Variants in IQCH observed in about 807,000 individuals in gnomAD.
The protein encoded by IQCH is IQ motif containing H.
Under a neutral mutation model 117.0 loss-of-function variants are expected in IQCH, and 98 were observed. The observed-to-expected ratio is 0.84, with a 90% CI of 0.71 to 0.99. The LOEUF (loss-of-function observed/expected upper bound fraction) is 0.99. Among genes scored for constraint, IQCH ranks in the 50% least tolerant of loss-of-function variants. The probability of loss-of-function intolerance (pLI) is 0.00; values close to 1 mark genes in which losing one functional copy is unlikely to be tolerated. For synonymous variants in IQCH, 412 were observed against 448.2 expected (o/e 0.92, Z 1.02); for missense variants, 1,102 against 1,243.8 (o/e 0.89, Z 1.72).
rs1164248231 is a variant in IQCH, at chr15:67,370,978, T to G, written c.754-1133T>G. 3.9e-5 allele frequency among the ~76,000 whole-genome samples: 6 copies of G among 152,170 alleles called. No individual in the cohort carries two copies. Among genetic ancestry groups the G allele is most frequent in the Non-Finnish European group, 8.8e-5 (6 of 68,036 alleles). ...ATAAATTGCTGGGGGGGGTTTTCTT[T>G]GAGTTTTTTGAAAACTCTTCAAAAT... On this transcript the variant is annotated intron_variant, in intron 8 of 20. Coordinates refer to ENST00000335894, the MANE Select transcript of IQCH (RefSeq NM_001031715.3). The surrounding 1 kb of genome is among the most constrained non-coding windows in gnomAD (Gnocchi z 5.6).
At position 67,454,234 on chromosome 15, in the gene IQCH, A is replaced by G. The variant is rs979172794; in HGVS notation, c.2506-10893A>G. The stretch of plus-strand genomic sequence containing the variant: ...TCATGCATGGTGTGCTGCACCCACC[A>G]TCCTGCGCCTACTGTCTGGCACTCC... On this transcript the variant is annotated intron_variant, in intron 16 of 20. Transcript: ENST00000335894. The surrounding 1 kb of genome is among the most constrained non-coding windows in gnomAD (Gnocchi z 5.2). 2.0e-5 allele frequency among the ~76,000 whole-genome samples: 3 copies of G among 152,108 alleles called. No homozygotes were observed. The highest frequency in any genetic ancestry group is 2.1e-4 in the South Asian group (1 of 4,832).
rs1442711793 is a variant in IQCH at position 67,356,954 on chromosome 15, T to A, written c.638-391T>A. Among the ~76,000 whole-genome samples the A allele has an allele frequency of 2.6e-5, 4 of 152,248 alleles. No individual in the cohort carries two copies. Among genetic ancestry groups the A allele is most frequent in the Non-Finnish European group, 4.4e-5 (3 of 68,052 alleles). ...TTTTTACACAATAGAATAGTCCATA[T>A]GTAGCTATGTTAAATCACATTTTAC... On this transcript the variant is annotated intron_variant, in intron 6 of 20. Coordinates refer to ENST00000335894, the MANE Select transcript of IQCH (RefSeq NM_001031715.3). The surrounding 1 kb of genome is among the most constrained non-coding windows in gnomAD (Gnocchi z 5.3).
intron 18 of IQCH, among the ~76,000 whole-genome samples, chr15:67,483,301 G>T (rs2083386935): frequency 6.6e-6 from 1 of 152,196 alleles, no homozygotes; most frequent in African/African-American, 2.4e-5. Context: ...TGGATCACTT[G>T]AGGCCAGGAG....
intron 8 of IQCH, 58 bp from the exon 9 acceptor site, chr15:67,372,053 C>A: frequency 1.4e-6 from 2 of 1,405,958 alleles, no homozygotes; most frequent in Non-Finnish European, 1.9e-6. Flanking sequence ...CTTGACCACT[C>A]ATTTAAAGGA....
chr15:67,438,608 G>C (rs1052366959), intron 16 of IQCH, among the ~76,000 whole-genome samples: 1 of 152,192 alleles, frequency 6.6e-6, no homozygotes, highest in African/African-American at 2.4e-5. Flanking sequence ...CCACTTAAAA[G>C]ATACAGAACT....
intron 16 of IQCH, among the ~76,000 whole-genome samples, chr15:67,438,939 A>G (rs1414482031): frequency 1.3e-5 from 2 of 152,234 alleles, no homozygotes; most frequent in Non-Finnish European, 2.9e-5. Flanking sequence ...AATAAGATAG[A>G]CAGCAAAGCA....
intron 4 of IQCH, among the ~76,000 whole-genome samples, chr15:67,285,380 C>T (rs1448511495): frequency 2.0e-5 from 3 of 151,970 alleles, no homozygotes; most frequent in Non-Finnish European, 4.4e-5. Flanking sequence ...AATTTTCTCC[C>T]ATTCTGTAGG....
intron 6 of IQCH, among the ~76,000 whole-genome samples, chr15:67,348,085 C>G (rs965717222): frequency 1.3e-5 from 2 of 151,766 alleles, no homozygotes; most frequent in Admixed American, 6.6e-5. Flanking sequence ...ATCAAAAGCT[C>G]TAAGAAAATT....
intron 4 of IQCH, among the ~76,000 whole-genome samples, chr15:67,324,609 T>TAAA (rs35173773): frequency 5.0e-5 from 6 of 119,204 alleles, no homozygotes; most frequent in Admixed American, 8.8e-5. Flanking sequence ...AGACTCTGTC[T>TAAA]AAAAAAAAAA....
Position 67,352,839 on chromosome 15 carries a change from C to T in IQCH, c.638-4506C>T, listed in dbSNP as rs1022094118. Among the ~76,000 whole-genome samples, 5 of 152,216 alleles carry T rather than the reference C, an allele frequency of 3.3e-5. No individual in the cohort carries two copies. In the South Asian group the frequency reaches 1.0e-3, roughly 32 times the overall value. ...GAATCTGTAGACCAATGTCTTTCAT[C>T]ACTTCTGAGCAACCTCATCCATTGT... On this transcript the variant is annotated intron_variant, in intron 6 of 20. Transcript: ENST00000335894.
intron 16 of IQCH, among the ~76,000 whole-genome samples, chr15:67,442,583 A>C (rs2082297843): frequency 6.6e-6 from 1 of 152,132 alleles, no homozygotes; most frequent in African/African-American, 2.4e-5. Flanking sequence ...TGCTGGTGGG[A>C]ATGTAAACTA....
Position 67,473,876 on chromosome 15 carries a change from G to C in IQCH, c.2677-1820G>C, listed in dbSNP as rs1439239964. On this transcript the variant is annotated intron_variant, in intron 17 of 20. Coordinates refer to ENST00000335894, the MANE Select transcript of IQCH (RefSeq NM_001031715.3). This position sits in a 1 kb window ranked among gnomAD's most constrained non-coding sequence, Gnocchi z 4.9. ...GCTACAAGTGGGGTAAACAACTCAAGATGTATTAGCCTGTGGGGGCCTAAC... is the reference window on the plus strand; with the variant it reads ...GCTACAAGTGGGGTAAACAACTCAACATGTATTAGCCTGTGGGGGCCTAAC... Among the ~76,000 whole-genome samples, 1 of 152,140 alleles carries C rather than the reference G, an allele frequency of 6.6e-6. No individual in the cohort carries two copies. Among genetic ancestry groups the C allele is most frequent in the Non-Finnish European group, 1.5e-5 (1 of 68,036 alleles).
In IQCH at chr15:67,403,050, C is replaced by T. The variant is rs1168572716; in HGVS notation, c.2097+2745C>T. Among the ~76,000 whole-genome samples, 5 of 152,080 alleles carry T rather than the reference C, an allele frequency of 3.3e-5. No homozygotes were observed. Reference sequence around the variant, plus strand: ...ATCACCTGAGGTCAGGAGTTCCAGGCCAGCCTGGCCAACATAGTGAAACCT... The same window carrying T: ...ATCACCTGAGGTCAGGAGTTCCAGGTCAGCCTGGCCAACATAGTGAAACCT... On this transcript the variant is annotated intron_variant, in intron 14 of 20. Transcript: ENST00000335894. This position sits in a 1 kb window ranked among gnomAD's most constrained non-coding sequence, Gnocchi z 4.8.
intron 3 of IQCH, among the ~76,000 whole-genome samples, chr15:67,264,862 T>C (rs1472795958): frequency 2.0e-5 from 3 of 150,422 alleles, no homozygotes; most frequent in Admixed American, 6.8e-5. Flanking sequence ...CCCTCCTCCT[T>C]CTCTCCCTTT....
intron 4 of IQCH, among the ~76,000 whole-genome samples, chr15:67,330,876 A>G (rs1184076915): frequency 6.6e-6 from 1 of 152,176 alleles, no homozygotes; most frequent in Non-Finnish European, 1.5e-5. Flanking sequence ...CAAGATCTCA[A>G]GACAGGCAGG....
In IQCH at chr15:67,328,445, A is replaced by G. The variant is rs146791345; in HGVS notation, c.388-8530A>G. ...CATAATGCCTTCAGAATAGTATACA[A>G]ATAATTACAATATATGTTATAAATG... On this transcript the variant is annotated intron_variant, in intron 4 of 20. Coordinates refer to ENST00000335894, the MANE Select transcript of IQCH (RefSeq NM_001031715.3). Among the ~76,000 whole-genome samples, 189 of 152,302 alleles carry G rather than the reference A, an allele frequency of 1.2e-3. 1 individual carries two copies. The highest frequency in any genetic ancestry group is 4.4e-3 in the African/African-American group (185 of 41,586).
chr15:67,324,436 C>A (rs1030176649), intron 4 of IQCH, among the ~76,000 whole-genome samples: 1 of 151,578 alleles, frequency 6.6e-6, no homozygotes, highest in Admixed American at 6.6e-5. Flanking sequence ...ATGACAAAAC[C>A]CCGCCTCTAC....
At chr15:67,497,711 C>T (rs935315500) in intron 20 of IQCH, among the ~76,000 whole-genome samples, 3 of 152,030 alleles carry the variant, frequency 2.0e-5, no homozygotes. Context: ...AGGCTGACCT[C>T]GAACTCCTGA....
Position 67,430,166 on chromosome 15 carries a change from A to C in IQCH, c.2505+8589A>C, listed in dbSNP as rs1203247834. 6.6e-6 allele frequency among the ~76,000 whole-genome samples: 1 copy of C among 152,128 alleles called. No individual in the cohort carries two copies. Among genetic ancestry groups the C allele is most frequent in the Non-Finnish European group, 1.5e-5 (1 of 68,026 alleles). On this transcript the variant is annotated intron_variant, in intron 16 of 20. Transcript: ENST00000335894. This position sits in a 1 kb window ranked among gnomAD's most constrained non-coding sequence, Gnocchi z 5.1. Reference sequence around the variant, plus strand: ...GAGCTACAAGGCAGCCATGTTGGAGATCTGGCCTTCCCACATAAGGATAAT... The same window carrying C: ...GAGCTACAAGGCAGCCATGTTGGAGCTCTGGCCTTCCCACATAAGGATAAT...
Sources: allele counts gnomAD v4.1 joint callset (sites outside exome capture counted in the v4.1 genomes callset), GRCh38; gene constraint gnomAD v4.1.1; non-coding constraint Gnocchi (gnomAD v3.1); transcripts MANE v1.5; gene names NCBI Gene and HGNC (gene_info 2026-07-23, HGNC 2026-07-21).